Variants in GRM7 observed in about 807,000 individuals in gnomAD.
GRM7 encodes metabotropic glutamate receptor 7.
In GRM7, 35 loss-of-function variants were observed where a neutral mutation model predicts 84.5. The ratio of observed to expected loss-of-function variants is 0.41; its 90% CI spans 0.32 to 0.55. The LOEUF (loss-of-function observed/expected upper bound fraction) is 0.55, where lower values mean the gene tolerates loss of function less well. Among genes scored for constraint, GRM7 ranks in the 20% least tolerant of loss-of-function variants. The probability of loss-of-function intolerance (pLI) is 0.19; values close to 1 mark genes in which losing one functional copy is unlikely to be tolerated. For missense variants in GRM7, 1,003 were observed against 1,194.6 expected (o/e 0.84, Z 2.36); for synonymous variants, 487 against 455.1 (o/e 1.07, Z -0.89).
chr3:7,457,320 T>C (rs944146153), intron 6 of GRM7, among the ~76,000 whole-genome samples: 5 of 152,280 alleles, frequency 3.3e-5, no homozygotes, highest in Admixed American at 1.3e-4. Context: ...CTCTTATGCA[T>C]TGAGGAAAGA....
intron 9 of GRM7, among the ~76,000 whole-genome samples, chr3:7,707,862 T>A (rs951786103): frequency 1.3e-5 from 2 of 152,142 alleles, no homozygotes; most frequent in Non-Finnish European, 2.9e-5. Flanking sequence ...CATTTGCCAT[T>A]TAACTTCATT....
At chr3:7,114,313 C>G (rs1692958194) in intron 1 of GRM7, among the ~76,000 whole-genome samples, 2 of 152,072 alleles carry the variant, frequency 1.3e-5, no homozygotes, top group South Asian at 2.1e-4. Flanking sequence ...GATGCTCAGT[C>G]CCTTCACATA....
intron 1 of GRM7, among the ~76,000 whole-genome samples, chr3:6,922,717 G>C (rs1163407653): frequency 6.6e-6 from 1 of 152,150 alleles, no homozygotes; most frequent in African/African-American, 2.4e-5. Flanking sequence ...TATTGAAATA[G>C]AGCTTAACAC....
At chr3:7,539,314 T>C (rs780727005) in intron 7 of GRM7, among the ~76,000 whole-genome samples, 2 of 152,154 alleles carry the variant, frequency 1.3e-5, no homozygotes, top group African/African-American at 4.8e-5. Context: ...ATGAAAAAGA[T>C]GTGCTTTTCA....
At chr3:7,646,642 C>T (rs1209393572) in intron 8 of GRM7, among the ~76,000 whole-genome samples, 2 of 152,086 alleles carry the variant, frequency 1.3e-5, no homozygotes. Context: ...CCTGGTTTCT[C>T]ATGTCCAAAA....
At chr3:6,887,763 G>A (rs1053769777) in intron 1 of GRM7, among the ~76,000 whole-genome samples, 2 of 152,142 alleles carry the variant, frequency 1.3e-5, no homozygotes, top group African/African-American at 4.8e-5. Flanking sequence ...GGATGGCTGG[G>A]TCAAATGGTA....
chr3:7,716,163 G>T (rs567402476), intron 9 of GRM7, among the ~76,000 whole-genome samples: 1 of 152,140 alleles, frequency 6.6e-6, no homozygotes, highest in South Asian at 2.1e-4. Context: ...GCTGTGGGGG[G>T]GTGTTTTCCT....
At chr3:7,734,049 C>T (rs1416582490) in intron 9 of GRM7, among the ~76,000 whole-genome samples, 1 of 152,220 alleles carries the variant, frequency 6.6e-6, no homozygotes, top group African/African-American at 2.4e-5. Context: ...GTATCTGACT[C>T]ATTTCCCTGT....
intron 4 of GRM7, among the ~76,000 whole-genome samples, chr3:7,412,985 GACACAC>G (rs59610581): frequency 2.7e-5 from 4 of 148,710 alleles, no homozygotes; most frequent in African/African-American, 4.9e-5. Flanking sequence ...AATTCACTAT[GACACAC>G]ACACACACAC....
chr3:7,230,090 C>T (rs1020972189), intron 2 of GRM7, among the ~76,000 whole-genome samples: 2 of 151,852 alleles, frequency 1.3e-5, no homozygotes, highest in Non-Finnish European at 2.9e-5. Flanking sequence ...CCACCCACCT[C>T]GGCCTCCCAA....
chr3:7,029,062 G>T (rs1696086358), intron 1 of GRM7, among the ~76,000 whole-genome samples: 1 of 152,124 alleles, frequency 6.6e-6, no homozygotes, highest in African/African-American at 2.4e-5. Context: ...CCAGTATTTT[G>T]GGAGGCCAAG....
At chr3:7,279,245 A>C (rs1401062815) in intron 2 of GRM7, among the ~76,000 whole-genome samples, 1 of 152,196 alleles carries the variant, frequency 6.6e-6, no homozygotes, top group Non-Finnish European at 1.5e-5. Context: ...TACATAATAA[A>C]GGTGTGAACA....
intron 1 of GRM7, among the ~76,000 whole-genome samples, chr3:7,130,272 G>C (rs1693547387): frequency 6.6e-6 from 1 of 152,124 alleles, no homozygotes; most frequent in African/African-American, 2.4e-5. Context: ...GGATGGGCCT[G>C]GTGGCTCACA....
intron 1 of GRM7, among the ~76,000 whole-genome samples, chr3:6,921,254 C>T (rs543500178): frequency 2.0e-5 from 3 of 152,304 alleles, no homozygotes; most frequent in African/African-American, 7.2e-5. Context: ...TCCGAAAGAG[C>T]AGCTGCAAGA....
intron 1 of GRM7, among the ~76,000 whole-genome samples, chr3:6,969,384 T>C (rs1693650032): frequency 6.6e-6 from 1 of 152,188 alleles, no homozygotes; most frequent in East Asian, 1.9e-4. Flanking sequence ...ATTACATAAA[T>C]GAAGACACTA....
intron 7 of GRM7, among the ~76,000 whole-genome samples, chr3:7,475,042 A>G (rs1338010138): frequency 6.6e-6 from 1 of 152,216 alleles, no homozygotes; most frequent in Non-Finnish European, 1.5e-5. Flanking sequence ...CAAATACACA[A>G]CTATTCAGTT....
Position 7,741,360 on chromosome 3 carries a change from A to C in GRM7, c.*954A>C, listed in dbSNP as rs1014313459. 3 of 152,550 alleles carry C rather than the reference A, an allele frequency of 2.0e-5. No homozygotes were observed. The highest frequency in any genetic ancestry group is 4.4e-5 in the Non-Finnish European group (3 of 68,020). 9.4% of individuals were successfully genotyped at this position (152,550 alleles called of 1,614,324 possible). On this transcript the variant is annotated 3_prime_UTR_variant, in exon 10 of 10. Coordinates refer to ENST00000357716, the MANE Select transcript of GRM7 (RefSeq NM_000844.4). Reference sequence around the variant, plus strand: ...AGTGTGATAAGGACTTTAGGAAAAAAAGCATGTATGTTTTTTACTGTTTGT... The same window carrying C: ...AGTGTGATAAGGACTTTAGGAAAAACAGCATGTATGTTTTTTACTGTTTGT...
intron 4 of GRM7, among the ~76,000 whole-genome samples, chr3:7,337,625 C>T (rs1231261693): frequency 1.3e-5 from 2 of 151,584 alleles, no homozygotes; most frequent in Non-Finnish European, 3.0e-5. Context: ...TCAAAAGATA[C>T]ACAAATGGCC....
At chr3:7,128,596 C>T (rs1243090389) in intron 1 of GRM7, among the ~76,000 whole-genome samples, 1 of 131,700 alleles carries the variant, frequency 7.6e-6, no homozygotes, top group Non-Finnish European at 1.6e-5. Flanking sequence ...CAACCTCCGC[C>T]TCCCAGGTTC....
Sources: allele counts gnomAD v4.1 joint callset (sites outside exome capture counted in the v4.1 genomes callset), GRCh38; gene constraint gnomAD v4.1.1; transcripts MANE v1.5; gene names NCBI Gene and HGNC (gene_info 2026-07-23, HGNC 2026-07-21).